Variants in RTP4 observed in about 807,000 individuals in gnomAD.
RTP4 encodes the protein receptor-transporting protein 4.
Under a neutral mutation model 6.5 loss-of-function variants are expected in RTP4, and 5 were observed. That is an observed-to-expected ratio of 0.77 (90% CI 0.40 to 1.62). RTP4 has a LOEUF of 1.62. Ranked by LOEUF, RTP4 falls within the 40% of genes most tolerant of loss-of-function variation. RTP4 has a pLI of 0.02. For synonymous variants in RTP4, 112 were observed against 114.8 expected (o/e 0.98, Z 0.15); for missense variants, 266 against 288.7 (o/e 0.92, Z 0.57).
chr3:187,371,194 C>T lies in RTP4; in HGVS notation c.562C>T (p.Pro188Ser). The change falls in exon 2 of 2, where the codon CCT (proline) becomes TCT (serine). Residue 188 changes from proline (P) to serine (S), a missense_variant. Pro to Ser is a moderately conservative substitution (Grantham distance 74). Coordinates refer to ENST00000259030, the MANE Select transcript of RTP4 (RefSeq NM_022147.3). The part of the protein sequence containing the change: ...LPHLKTGNSS[P>S]GIGAVYLANQ... ...CCACCTAAAGACTGGGAATTCCTCA[C>T]CTGGAATTGGTGCTGTGTACCTCGC... The T allele has an allele frequency of 6.2e-7, 1 of 1,614,094 alleles. No homozygotes were observed. The highest frequency in any genetic ancestry group is 1.1e-5 in the South Asian group (1 of 91,060).
rs7632454 is a variant in RTP4, at chr3:187,370,390, A to G, written c.156-398A>G. ...TCCTTATCTGGATATTGGGTTTAAT[A>G]GTGCTTACTTCACAGATGAAATGGG... On this transcript the variant is annotated intron_variant, in intron 1 of 1. Transcript: ENST00000259030. 5.3e-3 allele frequency among the ~76,000 whole-genome samples: 809 copies of G among 152,356 alleles called. 5 individuals carry two copies. The highest frequency in any genetic ancestry group is 0.019 in the African/African-American group (786 of 41,578).
At chr3:187,369,827 C>T (rs1711574935) in intron 1 of RTP4, among the ~76,000 whole-genome samples, 1 of 152,070 alleles carries the variant, frequency 6.6e-6, no homozygotes, top group Non-Finnish European at 1.5e-5. Flanking sequence ...GCTTTCTAAT[C>T]CAGGGAAATG....
rs200734103 is a variant in RTP4 at position 187,370,810 on chromosome 3, C to T, written c.178C>T (p.Arg60Ter). The change falls in exon 2 of 2, where the codon CGA becomes TGA. Residue 60 changes from arginine to a stop codon, truncating the protein, a stop_gained. Transcript: ENST00000259030. LOFTEE classifies it low-confidence loss of function (END_TRUNC). ...FGWFRCSSCQ[R>*]SWASAQVQIL... ...CAGGTTCCGGTGTTCCTCCTGCCAG[C>T]GAAGTTGGGCTTCCGCCCAAGTGCA... is the stretch of plus-strand genomic sequence containing the variant. 1.4e-4 allele frequency: 223 copies of T among 1,612,708 alleles called. No homozygotes were observed. The highest frequency in any genetic ancestry group is 8.1e-5 in the Non-Finnish European group (96 of 1,178,870).
intron 1 of RTP4, among the ~76,000 whole-genome samples, chr3:187,370,188 A>T (rs1406955098): frequency 6.6e-6 from 1 of 152,180 alleles, no homozygotes; most frequent in Non-Finnish European, 1.5e-5. Context: ...CAACCCAGGT[A>T]TGAGGGATGC....
Position 187,370,829 on chromosome 3 carries a change from A to C in RTP4, c.197A>C (p.Gln66Pro). Residue 66 changes from glutamine (Q) to proline (P), a missense_variant, in exon 2 of 2, where the codon CAA (glutamine) becomes CCA (proline). By Grantham distance (76) the Gln-to-Pro change is moderately conservative. Transcript: ENST00000259030. ...TGCCAGCGAAGTTGGGCTTCCGCCC[A>C]AGTGCAGATTCTGTGCCACACGTAC... is the stretch of plus-strand genomic sequence containing the variant. The part of the protein sequence containing the change: ...SSCQRSWASA[Q>P]VQILCHTYWE... 1 of 1,613,908 alleles carries C rather than the reference A, an allele frequency of 6.2e-7. No individual in the cohort carries two copies. The highest frequency in any genetic ancestry group is 8.5e-7 in the Non-Finnish European group (1 of 1,179,882).
rs755678808 is a variant in RTP4, at chr3:187,371,269, G to A, written c.637G>A (p.Gly213Arg). The A allele has an allele frequency of 3.1e-6, 5 of 1,610,964 alleles. No individual in the cohort carries two copies. Among genetic ancestry groups the A allele is most frequent in the Non-Finnish European group, 3.4e-6 (4 of 1,180,020 alleles). Residue 213 changes from glycine (G) to arginine (R), a missense_variant, in exon 2 of 2, where the codon GGG (glycine) becomes AGG (arginine). By Grantham distance (125) the Gly-to-Arg change is moderately radical. Coordinates refer to ENST00000259030, the MANE Select transcript of RTP4 (RefSeq NM_022147.3). ...TGAGGCAAAAGAGGCTAAGGGGAGT[G>A]GGTATGAGAAATTAGGGCCCAGTCG... ...SAEAKEAKGS[G>R]YEKLGPSRDP...
In RTP4 at chr3:187,370,657, A is replaced by G. The variant is rs1291691787; in HGVS notation, c.156-131A>G. On this transcript the variant is annotated intron_variant, in intron 1 of 1. Coordinates refer to ENST00000259030, the MANE Select transcript of RTP4 (RefSeq NM_022147.3). ...TAGTCCTTCTTGTTCCTGTTTATCA[A>G]TGACTGGGACAATCTAAATCACATG... 12 of 662,330 alleles carry G rather than the reference A, an allele frequency of 1.8e-5. No individual in the cohort carries two copies. Among genetic ancestry groups the G allele is most frequent in the East Asian group, 2.7e-5 (1 of 36,596 alleles). 41.0% of individuals were successfully genotyped at this position (662,330 alleles called of 1,614,324 possible). A position where few individuals can be genotyped will look rare whatever the true frequency, so the allele number is the denominator to read the frequency against.
chr3:187,369,901 T>A (rs1711576570), intron 1 of RTP4, among the ~76,000 whole-genome samples: 1 of 152,174 alleles, frequency 6.6e-6, no homozygotes, highest in African/African-American at 2.4e-5. Flanking sequence ...TTACAACGTT[T>A]TGGCACTCCT....
chr3:187,370,009 T>C (rs1711578369), intron 1 of RTP4, among the ~76,000 whole-genome samples: 1 of 152,250 alleles, frequency 6.6e-6, no homozygotes, highest in South Asian at 2.1e-4. Context: ...TTGGAAAATA[T>C]CAATCAGCTT....
rs1259528176 is a variant in RTP4 at position 187,371,373 on chromosome 3, A to T, written c.741A>T (p.Ter247CysextTer1). Residue 247 changes from the stop codon to cysteine (C), a stop_lost, in exon 2 of 2, where the codon TGA (stop) becomes TGT (cysteine). Coordinates refer to ENST00000259030, the MANE Select transcript of RTP4 (RefSeq NM_022147.3). ...FIVVKCFTSE[*>C] ...TAGTCAAATGCTTTACATCAGAATG[A>T]TGAAAATAGGCTTGCCACTTTCTCT... 5 of 1,583,208 alleles carry T rather than the reference A, an allele frequency of 3.2e-6. No homozygotes were observed. Among genetic ancestry groups the T allele is most frequent in the Non-Finnish European group, 4.3e-6 (5 of 1,167,754 alleles).
At position 187,371,180 on chromosome 3, in the gene RTP4, C is replaced by G. The variant is rs1174751900; in HGVS notation, c.548C>G (p.Thr183Ser). The G allele has an allele frequency of 1.9e-6, 3 of 1,614,130 alleles. No homozygotes were observed. In the East Asian group the frequency reaches 6.7e-5, roughly 36 times the overall value. The change falls in exon 2 of 2, where the codon ACT becomes AGT. Residue 183 changes from threonine (T) to serine (S), a missense_variant. By Grantham distance (58) the Thr-to-Ser change is moderately conservative (BLOSUM62 1). Coordinates refer to ENST00000259030, the MANE Select transcript of RTP4 (RefSeq NM_022147.3). ...AAATCCCTACTCCCCCACCTAAAGA[C>G]TGGGAATTCCTCACCTGGAATTGGT... ...PSKSLLPHLK[T>S]GNSSPGIGAV...
chr3:187,370,432 C>T (rs2108649609), intron 1 of RTP4, among the ~76,000 whole-genome samples: 1 of 152,228 alleles, frequency 6.6e-6, no homozygotes, highest in East Asian at 1.9e-4. Flanking sequence ...TTATAAAGAC[C>T]AATTATATTG....
In RTP4 at chr3:187,371,228, C is replaced by A. The variant is rs368326565; in HGVS notation, c.596C>A (p.Ala199Asp). 3 of 1,613,776 alleles carry A rather than the reference C, an allele frequency of 1.9e-6. No individual in the cohort carries two copies. In the African/African-American group the frequency reaches 4.0e-5, roughly 22 times the overall value. Residue 199 changes from alanine (A) to aspartate (D), a missense_variant, in exon 2 of 2, where the codon GCC becomes GAC. Coordinates refer to ENST00000259030, the MANE Select transcript of RTP4 (RefSeq NM_022147.3). ...GGTGCTGTGTACCTCGCAAACCAAG[C>A]CAAGAACCAGTCAGCTGAGGCAAAA... ...GIGAVYLANQ[A>D]KNQSAEAKEA...
chr3:187,370,768 T>C lies in RTP4; in HGVS notation c.156-20T>C, dbSNP rs1294908293. ...AACAACCAGATGAAGGCATAATGGGTGTCTTCCTTCTGACTGCAGGTTCCG... is the reference window on the plus strand; with the variant it reads ...AACAACCAGATGAAGGCATAATGGGCGTCTTCCTTCTGACTGCAGGTTCCG... On this transcript the variant is annotated intron_variant, in intron 1 of 1. Transcript: ENST00000259030. 4 of 1,591,238 alleles carry C rather than the reference T, an allele frequency of 2.5e-6. No homozygotes were observed. The highest frequency in any genetic ancestry group is 2.6e-6 in the Non-Finnish European group (3 of 1,161,688).
intron 1 of RTP4, 43 bp downstream of exon 1, chr3:187,368,639 G>C: frequency 6.5e-7 from 1 of 1,543,524 alleles, no homozygotes; most frequent in Non-Finnish European, 8.8e-7. Context: ...TGAGAAGAGA[G>C]GCTCAGGCTC....
In RTP4 at chr3:187,371,180, C is replaced by T; in HGVS notation, c.548C>T (p.Thr183Ile). ...AAATCCCTACTCCCCCACCTAAAGA[C>T]TGGGAATTCCTCACCTGGAATTGGT... ...PSKSLLPHLK[T>I]GNSSPGIGAV... Residue 183 changes from threonine to isoleucine, a missense_variant, in exon 2 of 2, where the codon ACT becomes ATT. Coordinates refer to ENST00000259030, the MANE Select transcript of RTP4 (RefSeq NM_022147.3). 1 of 1,614,130 alleles carries T rather than the reference C, an allele frequency of 6.2e-7. No individual in the cohort carries two copies. Among genetic ancestry groups the T allele is most frequent in the Non-Finnish European group, 8.5e-7 (1 of 1,180,034 alleles).
rs755881476 is a variant in RTP4 at position 187,371,374 on chromosome 3, T to C, written c.*1T>C. 5.7e-6 allele frequency: 9 copies of C among 1,581,882 alleles called. No individual in the cohort carries two copies. Among genetic ancestry groups the C allele is most frequent in the Non-Finnish European group, 6.9e-6 (8 of 1,166,774 alleles). On this transcript the variant is annotated 3_prime_UTR_variant, in exon 2 of 2. Transcript: ENST00000259030. ...AGTCAAATGCTTTACATCAGAATGA[T>C]GAAAATAGGCTTGCCACTTTCTCTT... is the stretch of plus-strand genomic sequence containing the variant.
chr3:187,369,009 C>CTTT (rs10695577), intron 1 of RTP4, among the ~76,000 whole-genome samples: 42 of 136,320 alleles, frequency 3.1e-4, no homozygotes, highest in Admixed American at 3.5e-4. Context: ...GGGACGGAGC[C>CTTT]TTTTTTTTTT....
intron 1 of RTP4, among the ~76,000 whole-genome samples, chr3:187,368,802 A>G (rs977653024): frequency 1.3e-5 from 2 of 152,094 alleles, no homozygotes; most frequent in East Asian, 3.9e-4. Flanking sequence ...TTCTTCTTTT[A>G]CTAGGTTTCC....
Sources: allele counts gnomAD v4.1 joint callset (sites outside exome capture counted in the v4.1 genomes callset), GRCh38; gene constraint gnomAD v4.1.1; transcripts MANE v1.5; gene names NCBI Gene and HGNC (gene_info 2026-07-23, HGNC 2026-07-21).